KCNMA1: variants seen among roughly 807,000 people sequenced by gnomAD.
The protein encoded by KCNMA1 is Calcium-activated potassium channel subunit alpha-1.
In KCNMA1, 29 loss-of-function variants were observed where a neutral mutation model predicts 140.0. That is an observed-to-expected ratio of 0.21 (90% CI 0.15 to 0.28). The LOEUF (loss-of-function observed/expected upper bound fraction) is 0.28. Among genes scored for constraint, KCNMA1 ranks in the 10% least tolerant of loss-of-function variants. KCNMA1 has a pLI of 1.00. For missense variants in KCNMA1, 880 were observed against 1,602.2 expected, an observed-to-expected ratio of 0.55 and a Z score of 7.70; for synonymous variants, 612 against 611.9, an observed-to-expected ratio of 1.00 and a Z score of 0.00.
intron 2 of KCNMA1, among the ~76,000 whole-genome samples, chr10:77,330,309 C>T (rs938184775): frequency 1.2e-4 from 18 of 152,338 alleles, no homozygotes; most frequent in Non-Finnish European, 2.5e-4. Flanking sequence ...TCTCCACTCC[C>T]TTACCCAGCC....
At chr10:77,443,388 T>C (rs16934781) in intron 1 of KCNMA1, among the ~76,000 whole-genome samples, 7,125 of 152,236 alleles carry the variant, frequency 0.047, 581 homozygotes, top group African/African-American at 0.16. Context: ...TCATGGGTTG[T>C]GGTCATGACT....
chr10:76,923,615 A>G lies in KCNMA1; in HGVS notation c.2903-8566T>C, dbSNP rs138952516. 5.3e-5 allele frequency among the ~76,000 whole-genome samples: 8 copies of G among 152,320 alleles called. No individual in the cohort carries two copies. In the East Asian group the frequency reaches 1.5e-3, roughly 29 times the overall value. On this transcript the variant is annotated intron_variant, in intron 23 of 27. Transcript: ENST00000286628. Reference sequence around the variant, plus strand: ...CCCGGTCTAATGTCTCCGTTTACCCAAGAGCTCATGGTATCATTGCTTTCT... The same window carrying G: ...CCCGGTCTAATGTCTCCGTTTACCCGAGAGCTCATGGTATCATTGCTTTCT...
intron 1 of KCNMA1, among the ~76,000 whole-genome samples, chr10:77,491,608 C>G (rs1387954395): frequency 6.6e-6 from 1 of 152,022 alleles, no homozygotes; most frequent in African/African-American, 2.4e-5. Context: ...CTTGGGGTGA[C>G]TGGGTGAACA....
Position 77,637,769 on chromosome 10 carries a change from G to C in KCNMA1, c.-127C>G, listed in dbSNP as rs2093916892. ...GCCGCCGCCGCCGCCGCGGAGCGCGGGAGGGGGGCGGGGAGGCGCCTGGGC... is the reference window on the plus strand; with the variant it reads ...GCCGCCGCCGCCGCCGCGGAGCGCGCGAGGGGGGCGGGGAGGCGCCTGGGC... On this transcript the variant is annotated 5_prime_UTR_variant, in exon 1 of 28. Transcript: ENST00000286628. The C allele has an allele frequency of 1.5e-6, 2 of 1,301,802 alleles. No homozygotes were observed. The highest frequency in any genetic ancestry group is 1.9e-6 in the Non-Finnish European group (2 of 1,036,708). The allele number at this position is 1,301,802 out of a possible 1,614,324, so 80.6% of individuals were successfully genotyped here.
chr10:77,231,019 TA>T (rs1242833066), intron 3 of KCNMA1, among the ~76,000 whole-genome samples: 1 of 152,104 alleles, frequency 6.6e-6, no homozygotes, highest in Non-Finnish European at 1.5e-5. Context: ...GGACCTAGAG[TA>T]ACTCAGATTT....
At chr10:77,035,639 A>G (rs1249869976) in intron 15 of KCNMA1, among the ~76,000 whole-genome samples, 1 of 152,272 alleles carries the variant, frequency 6.6e-6, no homozygotes, top group Non-Finnish European at 1.5e-5. Context: ...CCAATTCATT[A>G]AATATCTGAT....
At chr10:77,267,239 G>T (rs2063690332) in intron 2 of KCNMA1, among the ~76,000 whole-genome samples, 1 of 152,188 alleles carries the variant, frequency 6.6e-6, no homozygotes, top group Non-Finnish European at 1.5e-5. Flanking sequence ...GACAGACTGG[G>T]GAGGAGCTCT....
In KCNMA1 at chr10:76,884,892, C is replaced by CT. The variant is rs552322812; in HGVS notation, c.*2373dup. On this transcript the variant is annotated 3_prime_UTR_variant, in exon 28 of 28. Coordinates refer to ENST00000286628, the MANE Select transcript of KCNMA1 (RefSeq NM_001161352.2). The stretch of plus-strand genomic sequence containing the variant: ...AATAACAGAATAAAATTTGTAACTC[C>CT]TTTTTTTTTAATTTCACAAAAGTTT... 1,332 of 1,381,982 alleles carry CT rather than the reference C, an allele frequency of 9.6e-4. 3 individuals are homozygous for CT. In the East Asian group the frequency reaches 0.011, roughly 11 times the overall value. The allele number at this position is 1,381,982 out of a possible 1,614,324, so 85.6% of individuals were successfully genotyped here.
At chr10:77,255,986 G>A (rs1293251371) in intron 2 of KCNMA1, among the ~76,000 whole-genome samples, 2 of 151,708 alleles carry the variant, frequency 1.3e-5, no homozygotes, top group Middle Eastern at 3.2e-3. Context: ...GGGGAGGAGA[G>A]AGGGGAAGTC....
intron 5 of KCNMA1, among the ~76,000 whole-genome samples, chr10:77,135,598 T>C (rs778832382): frequency 2.0e-4 from 30 of 152,356 alleles, no homozygotes; most frequent in South Asian, 4.1e-4. Context: ...TCAACCGCAG[T>C]GTCCATCAAC....
At chr10:77,111,413 G>GT (rs1294142541) in intron 7 of KCNMA1, among the ~76,000 whole-genome samples, 1 of 152,178 alleles carries the variant, frequency 6.6e-6, no homozygotes, top group African/African-American at 2.4e-5. Flanking sequence ...ACTAATACCC[G>GT]TAGTAAGGTG....
At chr10:77,335,253 AC>A (rs2088447546) in intron 2 of KCNMA1, among the ~76,000 whole-genome samples, 1 of 152,200 alleles carries the variant, frequency 6.6e-6, no homozygotes, top group Admixed American at 6.5e-5. Context: ...CCTTGGGCTT[AC>A]CCACTGAGAG....
intron 23 of KCNMA1, among the ~76,000 whole-genome samples, chr10:76,933,805 A>G (rs947773331): frequency 1.3e-5 from 2 of 152,170 alleles, no homozygotes; most frequent in Non-Finnish European, 2.9e-5. Context: ...AATTCAGAAA[A>G]TAATTTTCCT....
At chr10:76,923,327 G>C (rs2056556115) in intron 23 of KCNMA1, among the ~76,000 whole-genome samples, 1 of 151,934 alleles carries the variant, frequency 6.6e-6, no homozygotes, top group African/African-American at 2.4e-5. Flanking sequence ...TATTCGGGAG[G>C]CTGAGGCAGG....
In KCNMA1 at chr10:77,073,146, C is replaced by G; in HGVS notation, c.1700G>C (p.Gly567Ala). ...GFIAQSCLAQ[G>A]LSTMLANLFS... ...GAGGTTGGCAAGCATGGTGGAGAGG[C>G]CTTGAGCCAGGCAGCTCTGGGCTAT... Residue 567 changes from glycine (G) to alanine (A), a missense_variant, in exon 14 of 28, where the codon GGC becomes GCC. Physicochemically the swap from Gly to Ala is moderately conservative, Grantham distance 60. Coordinates refer to ENST00000286628, the MANE Select transcript of KCNMA1 (RefSeq NM_001161352.2). The G allele has an allele frequency of 1.2e-6, 2 of 1,614,156 alleles. No homozygotes were observed. Among genetic ancestry groups the G allele is most frequent in the Non-Finnish European group, 1.7e-6 (2 of 1,180,000 alleles).
rs781098171 is a variant in KCNMA1, at chr10:77,420,909, T to C, written c.379-16886A>G. ...ATCATGCAATGGTACAATTCCCACT[T>C]AGTTCTGCCCCTCATTCTCCACACT... On this transcript the variant is annotated intron_variant, in intron 1 of 27. Transcript: ENST00000286628. Among the ~76,000 whole-genome samples the C allele has an allele frequency of 6.0e-4, 91 of 152,224 alleles. 2 individuals are homozygous for C. Among genetic ancestry groups the C allele is most frequent in the Admixed American group, 5.2e-4 (8 of 15,284 alleles).
At chr10:77,555,441 A>C (rs570152014) in intron 1 of KCNMA1, among the ~76,000 whole-genome samples, 1 of 152,366 alleles carries the variant, frequency 6.6e-6, no homozygotes, top group South Asian at 2.1e-4. Context: ...GAATCAAGGA[A>C]GAGCCAACCT....
At chr10:77,494,492 A>T (rs561482541) in intron 1 of KCNMA1, among the ~76,000 whole-genome samples, 1 of 152,204 alleles carries the variant, frequency 6.6e-6, no homozygotes, top group Non-Finnish European at 1.5e-5. Context: ...GAGTCCCCAG[A>T]GTCAGTCAAT....
chr10:77,321,348 C>A (rs2082279815), intron 2 of KCNMA1, among the ~76,000 whole-genome samples: 2 of 152,198 alleles, frequency 1.3e-5, no homozygotes, highest in South Asian at 4.1e-4. Context: ...CTGCCATACC[C>A]AGAGGAGAAA....
Sources: gnomAD v4.1 joint callset for allele counts (sites outside exome capture counted in the v4.1 genomes callset) on GRCh38, gnomAD v4.1.1 for gene constraint, MANE v1.5 for transcripts, NCBI Gene and HGNC (gene_info 2026-07-23, HGNC 2026-07-21) for gene names.